PTPRK: variants seen among roughly 807,000 people sequenced by gnomAD.
PTPRK encodes the protein receptor-type tyrosine-protein phosphatase kappa.
In PTPRK, 75 loss-of-function variants were observed where a neutral mutation model predicts 178.0. That is an observed-to-expected ratio of 0.42 (90% confidence interval 0.35 to 0.51). The LOEUF (loss-of-function observed/expected upper bound fraction) is 0.51. Ranked by LOEUF, PTPRK falls within the 20% of genes least tolerant of loss-of-function variation. PTPRK has a pLI of 0.02. For missense variants in PTPRK, 1,441 were observed against 1,797.8 expected, an observed-to-expected ratio of 0.80 and a Z score of 3.59; for synonymous variants, 637 against 620.6, an observed-to-expected ratio of 1.03 and a Z score of -0.39.
At chr6:128,044,956 G>A (rs1050031242) in intron 13 of PTPRK, among the ~76,000 whole-genome samples, 24 of 151,782 alleles carry the variant, frequency 1.6e-4, no homozygotes, top group Admixed American at 9.2e-4. Context: ...TGGTACACAG[G>A]GAGTGTTTAA....
At chr6:128,450,930 T>G (rs1847712461) in intron 1 of PTPRK, among the ~76,000 whole-genome samples, 1 of 152,172 alleles carries the variant, frequency 6.6e-6, no homozygotes, top group Admixed American at 6.6e-5. Flanking sequence ...TAGCCACTCT[T>G]TTCATGAAAC....
chr6:128,342,863 G>C (rs996892582), intron 2 of PTPRK, among the ~76,000 whole-genome samples: 6 of 151,956 alleles, frequency 3.9e-5, no homozygotes, highest in Admixed American at 1.3e-4. Context: ...GAGGTAGGAG[G>C]ATCACTTGAG....
intron 5 of PTPRK, among the ~76,000 whole-genome samples, chr6:128,235,069 C>T (rs1812981344): frequency 6.6e-6 from 1 of 151,990 alleles, no homozygotes. Flanking sequence ...ACATCAATTA[C>T]CCTAATTGGA....
At chr6:128,174,309 A>G (rs1800735870) in intron 7 of PTPRK, among the ~76,000 whole-genome samples, 1 of 151,968 alleles carries the variant, frequency 6.6e-6, no homozygotes, top group African/African-American at 2.4e-5. Flanking sequence ...CAGAAAGAAG[A>G]AGGAGTGGGG....
At chr6:128,074,918 A>G (rs896010281) in intron 11 of PTPRK, among the ~76,000 whole-genome samples, 12 of 152,068 alleles carry the variant, frequency 7.9e-5, no homozygotes, top group African/African-American at 2.7e-4. Flanking sequence ...TATATAAAAT[A>G]ACTCCTCTTT....
At chr6:128,435,088 G>A (rs1052122515) in intron 1 of PTPRK, among the ~76,000 whole-genome samples, 10 of 111,016 alleles carry the variant, frequency 9.0e-5, no homozygotes, top group African/African-American at 4.9e-4. Context: ...AAGGAAGGAA[G>A]GAAGGAAGGA....
chr6:128,352,410 ACCTC>A (rs148027274), intron 2 of PTPRK, among the ~76,000 whole-genome samples: 148,000 of 152,224 alleles, frequency 0.97, 72,071 homozygotes, highest in South Asian at 1. Context: ...TTCTGCAACT[ACCTC>A]TAGTTGCAGA....
At chr6:128,379,278 G>A (rs116236532) in intron 2 of PTPRK, among the ~76,000 whole-genome samples, 2,726 of 152,078 alleles carry the variant, frequency 0.018, 109 homozygotes, top group African/African-American at 0.063. Flanking sequence ...TCGAATAAAT[G>A]CTATATGATG....
At chr6:128,261,993 A>C (rs1238427045) in intron 3 of PTPRK, among the ~76,000 whole-genome samples, 1 of 152,172 alleles carries the variant, frequency 6.6e-6, no homozygotes, top group Admixed American at 6.5e-5. Flanking sequence ...TATGCCTAGA[A>C]TCCAATACCA....
At chr6:128,246,646 G>A (rs1020822910) in intron 3 of PTPRK, among the ~76,000 whole-genome samples, 5 of 152,160 alleles carry the variant, frequency 3.3e-5, no homozygotes, top group East Asian at 3.9e-4. Flanking sequence ...GCTTAATTAC[G>A]CAAAGCGTGC....
At position 127,998,918 on chromosome 6, in the gene PTPRK, G is replaced by T. The variant is rs777410307; in HGVS notation, c.2495-14C>A. ...TGTGGTTCTCATCTGGCATTTTTCA[G>T]ATTTCAGAAGATTAAAAAAGAGACA... On this transcript the variant is annotated splice_polypyrimidine_tract_variant and intron_variant, in intron 15 of 29. Coordinates refer to ENST00000368226, the MANE Select transcript of PTPRK (RefSeq NM_002844.4). The T allele has an allele frequency of 6.6e-7, 1 of 1,504,754 alleles. No individual in the cohort carries two copies. Among genetic ancestry groups the T allele is most frequent in the Non-Finnish European group, 8.9e-7 (1 of 1,121,770 alleles). 93.2% of individuals were successfully genotyped at this position (1,504,754 alleles called of 1,614,324 possible).
chr6:128,454,081 G>A (rs891845962), intron 1 of PTPRK, among the ~76,000 whole-genome samples: 2 of 152,108 alleles, frequency 1.3e-5, no homozygotes, highest in East Asian at 1.9e-4. Flanking sequence ...GGTCTTCAGC[G>A]AAGGGCAAAA....
intron 2 of PTPRK, among the ~76,000 whole-genome samples, chr6:128,383,094 C>A (rs929494209): frequency 1.3e-5 from 2 of 152,162 alleles, no homozygotes; most frequent in Non-Finnish European, 2.9e-5. Flanking sequence ...GAAATAGTCA[C>A]CACTGCTAAG....
intron 3 of PTPRK, among the ~76,000 whole-genome samples, chr6:128,280,611 T>C (rs1364518421): frequency 6.6e-6 from 1 of 152,158 alleles, no homozygotes; most frequent in Non-Finnish European, 1.5e-5. Context: ...TTTAAAGATA[T>C]ATATAAAATT....
At chr6:128,019,936 G>C (rs1345575292) in intron 13 of PTPRK, among the ~76,000 whole-genome samples, 1 of 152,042 alleles carries the variant, frequency 6.6e-6, no homozygotes. Context: ...CATCTCAAAA[G>C]CAAAAATGCT....
chr6:127,988,064 A>T (rs1249476438), intron 21 of PTPRK, among the ~76,000 whole-genome samples: 5 of 152,128 alleles, frequency 3.3e-5, no homozygotes, highest in Non-Finnish European at 5.9e-5. Context: ...TTAGGGAAAA[A>T]ATAATAGGTC....
chr6:128,349,455 T>C (rs1195552356), intron 2 of PTPRK, among the ~76,000 whole-genome samples: 1 of 152,096 alleles, frequency 6.6e-6, no homozygotes, highest in African/African-American at 2.4e-5. Flanking sequence ...CCTTATCTTC[T>C]CTTTTATTGT....
intron 1 of PTPRK, among the ~76,000 whole-genome samples, chr6:128,486,421 A>C (rs1852893210): frequency 2.0e-5 from 3 of 152,176 alleles, no homozygotes; most frequent in Admixed American, 2.0e-4. Context: ...TGACAAACAT[A>C]AAGAAAAAGT....
intron 11 of PTPRK, among the ~76,000 whole-genome samples, chr6:128,073,008 T>C (rs1783103366): frequency 6.6e-6 from 1 of 152,110 alleles, no homozygotes; most frequent in South Asian, 2.1e-4. Context: ...TTATTGCTTA[T>C]ATGATACATC....
Sources: gnomAD v4.1 joint callset for allele counts (sites outside exome capture counted in the v4.1 genomes callset) on GRCh38, gnomAD v4.1.1 for gene constraint, MANE v1.5 for transcripts, NCBI Gene and HGNC (gene_info 2026-07-23, HGNC 2026-07-21) for gene names.